The following DAB2IP variants were observed in gnomAD, a reference collection of about 807,000 sequenced individuals.
DAB2IP encodes the protein DAB2 interacting protein, also known as disabled homolog 2-interacting protein.
A neutral mutation model predicts 107.2 loss-of-function variants in DAB2IP; 28 were observed. That is an observed-to-expected ratio of 0.26 (90% CI 0.19 to 0.36). The LOEUF is 0.36. DAB2IP is among the 10% of genes least tolerant of loss of function. The pLI, the probability that DAB2IP is intolerant of heterozygous loss-of-function variation, is 1.00. For synonymous variants in DAB2IP, 755 were observed against 706.4 expected (o/e 1.07, Z -1.09); for missense variants, 1,400 against 1,644.7 (o/e 0.85, Z 2.57).
chr9:121,593,946 A>G lies in DAB2IP; in HGVS notation c.40+26718A>G, dbSNP rs533030384. Among the ~76,000 whole-genome samples the G allele has an allele frequency of 4.0e-5, 6 of 151,416 alleles. No individual in the cohort carries two copies. The East Asian group carries it at 1.2e-3, about 30-fold the overall frequency. ...GCCTCCCAAAGTGCTGGGTTTACAG[A>G]CGTGAGCCACCATGCCCAGCCCTCC... is the stretch of plus-strand genomic sequence containing the variant. On this transcript the variant is annotated intron_variant, in intron 1 of 16. Transcript: ENST00000259371.
intron 1 of DAB2IP, among the ~76,000 whole-genome samples, chr9:121,601,933 G>T (rs1019263633): frequency 2.0e-5 from 3 of 151,874 alleles, no homozygotes; most frequent in Non-Finnish European, 1.5e-5. Flanking sequence ...CCTGGGACTG[G>T]TGTGTGCCAG....
At chr9:121,781,412 C>T in intron 14 of DAB2IP, 52 bp from the exon 15 acceptor site, 2 of 1,579,482 alleles carry the variant, frequency 1.3e-6, no homozygotes, top group Admixed American at 1.7e-5. Context: ...CACACCCTCC[C>T]CACCTCTGCT....
intron 1 of DAB2IP, among the ~76,000 whole-genome samples, chr9:121,627,601 C>A (rs11998856): frequency 0.034 from 5,098 of 152,096 alleles, 284 homozygotes; most frequent in African/African-American, 0.12. Context: ...ATGTGAGAGT[C>A]GGTGGGTCAT....
intron 1 of DAB2IP, among the ~76,000 whole-genome samples, chr9:121,612,380 G>A (rs546549440): frequency 1.3e-5 from 2 of 152,158 alleles, no homozygotes; most frequent in South Asian, 2.1e-4. Context: ...AGATACACAG[G>A]GTCTCAAATT....
chr9:121,690,143 C>A (rs1319012005), intron 2 of DAB2IP, among the ~76,000 whole-genome samples: 1 of 152,168 alleles, frequency 6.6e-6, no homozygotes, highest in African/African-American at 2.4e-5. Context: ...TTCTCAGCAG[C>A]GTGTTGGAAG....
At chr9:121,738,112 A>G (rs1832057650) in intron 3 of DAB2IP, among the ~76,000 whole-genome samples, 1 of 152,166 alleles carries the variant, frequency 6.6e-6, no homozygotes, top group South Asian at 2.1e-4. Context: ...GTTGTGGGGC[A>G]CCTGGAAGGT....
intron 8 of DAB2IP, among the ~76,000 whole-genome samples, chr9:121,764,774 T>A (rs1834148469): frequency 6.6e-6 from 1 of 152,170 alleles, no homozygotes; most frequent in South Asian, 2.1e-4. Flanking sequence ...TCTCTTTCAC[T>A]CACCTGCACC....
intron 1 of DAB2IP, among the ~76,000 whole-genome samples, chr9:121,576,523 A>T (rs758622666): frequency 6.6e-6 from 1 of 151,068 alleles, no homozygotes; most frequent in Non-Finnish European, 1.5e-5. Flanking sequence ...TGGGCTGCCT[A>T]GGCTCCCTGG....
chr9:121,627,664 G>T (rs1025649228), intron 1 of DAB2IP, among the ~76,000 whole-genome samples: 1 of 152,188 alleles, frequency 6.6e-6, no homozygotes, highest in African/African-American at 2.4e-5. Context: ...GCAGAGTTGG[G>T]GTGGGCCCCT....
intron 9 of DAB2IP, 62 bp from the exon 10 acceptor site, chr9:121,768,370 G>A (rs113988935): frequency 1.9e-6 from 3 of 1,566,286 alleles, no homozygotes; most frequent in Non-Finnish European, 2.6e-6. Context: ...TCCCAGTGGA[G>A]GGAGTTCCTG....
At chr9:121,668,302 A>G (rs1044704182) in intron 1 of DAB2IP, among the ~76,000 whole-genome samples, 3 of 150,276 alleles carry the variant, frequency 2.0e-5, no homozygotes, top group Non-Finnish European at 4.4e-5. Flanking sequence ...AAGTGGCACG[A>G]TCTCCACTCA....
At chr9:121,680,110 T>A (rs1828507693) in intron 2 of DAB2IP, among the ~76,000 whole-genome samples, 2 of 152,138 alleles carry the variant, frequency 1.3e-5, no homozygotes, top group African/African-American at 4.8e-5. Flanking sequence ...CTGATGTGTT[T>A]GTGGCATGCA....
chr9:121,746,373 A>G (rs1832724827), intron 3 of DAB2IP, among the ~76,000 whole-genome samples: 1 of 152,120 alleles, frequency 6.6e-6, no homozygotes, highest in South Asian at 2.1e-4. Flanking sequence ...CACACAGGTT[A>G]ATTAATTTGA....
chr9:121,653,211 G>A (rs940059674), intron 1 of DAB2IP, among the ~76,000 whole-genome samples: 1 of 48,190 alleles, frequency 2.1e-5, no homozygotes, highest in South Asian at 1.0e-3. Context: ...AGTACTCCTT[G>A]GAGGGAGTAC....
chr9:121,583,394 A>G (rs1485563480), intron 1 of DAB2IP, among the ~76,000 whole-genome samples: 1 of 152,056 alleles, frequency 6.6e-6, no homozygotes, highest in Non-Finnish European at 1.5e-5. Context: ...CTGTTTAAAA[A>G]ACAAAAAAGA....
chr9:121,607,988 G>A (rs1050170136), intron 1 of DAB2IP, among the ~76,000 whole-genome samples: 1 of 152,248 alleles, frequency 6.6e-6, no homozygotes, highest in African/African-American at 2.4e-5. Context: ...TCCCGGCAGA[G>A]GGAACGCAAT....
intron 1 of DAB2IP, among the ~76,000 whole-genome samples, chr9:121,615,884 C>T (rs972569779): frequency 6.6e-6 from 1 of 152,154 alleles, no homozygotes; most frequent in African/African-American, 2.4e-5. Context: ...CCTTGGCCTC[C>T]CAAAGTGCTG....
intron 3 of DAB2IP, chr9:121,752,938 A>C (rs1013933397): frequency 1.2e-4 from 19 of 152,210 alleles, no homozygotes. Flanking sequence ...TCGCAGCAAC[A>C]CTAGATCAAA....
chr9:121,702,186 G>A lies in DAB2IP; in HGVS notation c.362+2728G>A, dbSNP rs1335530742. 6.6e-6 allele frequency among the ~76,000 whole-genome samples: 1 copy of A among 152,210 alleles called. No individual in the cohort carries two copies. The highest frequency in any genetic ancestry group is 6.5e-5 in the Admixed American group (1 of 15,284). On this transcript the variant is annotated intron_variant, in intron 3 of 15. Coordinates refer to ENST00000408936, the Ensembl canonical transcript of DAB2IP. This position sits in a 1 kb window ranked among gnomAD's most constrained non-coding sequence, Gnocchi z 4.5. ...ATGCTGTCTGCGTGCTCCGCAAGCT[G>A]CTGTGTTGGGGAGGTGGTTTTTTTG...
Sources: gnomAD v4.1 joint callset for allele counts (sites outside exome capture counted in the v4.1 genomes callset) on GRCh38, gnomAD v4.1.1 for gene constraint, Gnocchi (gnomAD v3.1) non-coding constraint, MANE v1.5 for transcripts, NCBI Gene and HGNC (gene_info 2026-07-23, HGNC 2026-07-21) for gene names.